AUTS2: variants seen among roughly 807,000 people sequenced by gnomAD.
AUTS2 encodes the protein autism susceptibility gene 2 protein.
In AUTS2, 17 loss-of-function variants were observed where a neutral mutation model predicts 112.4. The ratio of observed to expected loss-of-function variants is 0.15; its 90% CI spans 0.10 to 0.23. The LOEUF is 0.23. Ranked by LOEUF, AUTS2 falls within the 10% of genes least tolerant of loss-of-function variation. AUTS2 has a pLI of 1.00. For missense variants in AUTS2, 1,510 were observed against 1,701.6 expected (o/e 0.89, Z 1.98); for synonymous variants, 751 against 702.7 (o/e 1.07, Z -1.09).
At chr7:69,921,818 C>T (rs1030152272) in intron 2 of AUTS2, among the ~76,000 whole-genome samples, 1 of 148,530 alleles carries the variant, frequency 6.7e-6, no homozygotes, top group Non-Finnish European at 1.5e-5. Flanking sequence ...GTAATCCCAG[C>T]ATTTTGGGAG....
intron 6 of AUTS2, among the ~76,000 whole-genome samples, chr7:70,741,233 C>CT: frequency 6.6e-6 from 1 of 151,782 alleles, no homozygotes; most frequent in East Asian, 1.9e-4. Context: ...TACAACGCTA[C>CT]ATACAGTTTC....
chr7:70,432,810 C>T lies in AUTS2; in HGVS notation c.661-2942C>T, dbSNP rs147511645. ...GAGTGGAGCTGTAAATTGGATGGTG[C>T]GCTCCTGCTGAGCTCACGGCAAAGT... is the stretch of plus-strand genomic sequence containing the variant. On this transcript the variant is annotated intron_variant, in intron 4 of 18. Transcript: ENST00000342771. Among the ~76,000 whole-genome samples the T allele has an allele frequency of 2.5e-4, 38 of 152,264 alleles. No individual in the cohort carries two copies. The East Asian group carries it at 7.2e-3, about 29-fold the overall frequency.
chr7:69,753,727 G>A (rs530757470), intron 1 of AUTS2, among the ~76,000 whole-genome samples: 1 of 152,304 alleles, frequency 6.6e-6, no homozygotes, highest in Non-Finnish European at 1.5e-5. Flanking sequence ...AAATGTTAAA[G>A]GCTCAGGAAA....
chr7:70,638,694 C>A (rs916629027), intron 5 of AUTS2, among the ~76,000 whole-genome samples: 2 of 152,122 alleles, frequency 1.3e-5, no homozygotes, highest in African/African-American at 4.8e-5. Context: ...GCGCTTTAAT[C>A]TTTTTTTCCC....
chr7:70,768,675 A>T (rs976952789), intron 10 of AUTS2, among the ~76,000 whole-genome samples: 20 of 150,384 alleles, frequency 1.3e-4, no homozygotes, highest in African/African-American at 3.3e-4. Context: ...TAAAAAAAAT[A>T]AAAAAAACTT....
chr7:69,918,436 C>G (rs987912266), intron 2 of AUTS2, among the ~76,000 whole-genome samples: 1 of 152,204 alleles, frequency 6.6e-6, no homozygotes, highest in Non-Finnish European at 1.5e-5. Flanking sequence ...GGAGTCTTTT[C>G]ATTGTTACGA....
At chr7:70,271,709 A>C (rs1273885439) in intron 4 of AUTS2, among the ~76,000 whole-genome samples, 1 of 152,194 alleles carries the variant, frequency 6.6e-6, no homozygotes, top group African/African-American at 2.4e-5. Flanking sequence ...CACATCACCC[A>C]TATCCCTGTC....
chr7:70,688,215 G>A (rs565949577), intron 5 of AUTS2, among the ~76,000 whole-genome samples: 22 of 152,252 alleles, frequency 1.4e-4, no homozygotes, highest in South Asian at 2.1e-4. Flanking sequence ...AATTTCCACC[G>A]TGTCTTCATT....
intron 6 of AUTS2, among the ~76,000 whole-genome samples, chr7:70,743,125 A>T (rs966100899): frequency 6.6e-6 from 1 of 152,176 alleles, no homozygotes; most frequent in African/African-American, 2.4e-5. Flanking sequence ...AGTTTCACCA[A>T]TTCAGTTACT....
intron 5 of AUTS2, among the ~76,000 whole-genome samples, chr7:70,675,486 ACT>A (rs1481971015): frequency 1.3e-5 from 2 of 152,094 alleles, no homozygotes; most frequent in Non-Finnish European, 1.5e-5. Context: ...ACAGAGCAAG[ACT>A]CTGTCTAAAA....
intron 5 of AUTS2, among the ~76,000 whole-genome samples, chr7:70,553,637 A>G (rs1801105120): frequency 6.6e-6 from 1 of 152,146 alleles, no homozygotes; most frequent in Non-Finnish European, 1.5e-5. Context: ...AACTTTGGCA[A>G]CTATAGCAGG....
intron 5 of AUTS2, among the ~76,000 whole-genome samples, chr7:70,660,029 T>C (rs748285016): frequency 2.6e-5 from 4 of 151,720 alleles, no homozygotes; most frequent in Non-Finnish European, 5.9e-5. Context: ...ATACAAAAAT[T>C]AGCCAGGCAT....
At chr7:70,122,085 G>A (rs1024796569) in intron 3 of AUTS2, among the ~76,000 whole-genome samples, 2 of 152,144 alleles carry the variant, frequency 1.3e-5, no homozygotes, top group African/African-American at 2.4e-5. Flanking sequence ...GCAAGACAAA[G>A]AAGGACAAAT....
At chr7:70,613,896 T>C (rs1804222863) in intron 5 of AUTS2, among the ~76,000 whole-genome samples, 1 of 152,212 alleles carries the variant, frequency 6.6e-6, no homozygotes, top group South Asian at 2.1e-4. Flanking sequence ...TGCATTCACA[T>C]CCACTTACGC....
rs139011451 is a variant in AUTS2, at chr7:70,152,447, A to G, written c.660+17876A>G. ...ACAGCAGATTTTTTTTTTTCTGGAA[A>G]AAAAAAATGCACTGGAGCAACATCC... On this transcript the variant is annotated intron_variant, in intron 4 of 18. Transcript: ENST00000342771. 6.3e-3 allele frequency among the ~76,000 whole-genome samples: 966 copies of G among 152,178 alleles called. 8 individuals are homozygous for G. The highest frequency in any genetic ancestry group is 0.022 in the African/African-American group (902 of 41,536).
chr7:70,416,677 C>T (rs1032018121), intron 4 of AUTS2, among the ~76,000 whole-genome samples: 6 of 152,244 alleles, frequency 3.9e-5, no homozygotes, highest in Non-Finnish European at 1.5e-5. Flanking sequence ...TATGTTCTCT[C>T]GCCTACAACC....
chr7:70,633,667 C>T (rs1000717780), intron 5 of AUTS2, among the ~76,000 whole-genome samples: 2 of 150,168 alleles, frequency 1.3e-5, no homozygotes, highest in Non-Finnish European at 1.5e-5. Context: ...TTGATTGGGC[C>T]GTAGGTCTAG....
At chr7:70,404,610 A>G (rs1016798287) in intron 4 of AUTS2, among the ~76,000 whole-genome samples, 1 of 152,148 alleles carries the variant, frequency 6.6e-6, no homozygotes, top group Non-Finnish European at 1.5e-5. Flanking sequence ...ACCTGGAGTT[A>G]CTTGGCTTTG....
intron 4 of AUTS2, among the ~76,000 whole-genome samples, chr7:70,273,471 T>TTTATTATTA (rs71077642): frequency 7.4e-4 from 112 of 150,666 alleles, no homozygotes; most frequent in Non-Finnish European, 1.4e-3. Context: ...ACCTATAGCT[T>TTTATTATTA]TTATTATTAT....
Sources: allele counts gnomAD v4.1 joint callset (sites outside exome capture counted in the v4.1 genomes callset), GRCh38; gene constraint gnomAD v4.1.1; transcripts MANE v1.5; gene names NCBI Gene and HGNC (gene_info 2026-07-23, HGNC 2026-07-21).